Variants in DCLRE1C observed in about 807,000 individuals in gnomAD.
DCLRE1C encodes protein artemis.
In DCLRE1C, 47 loss-of-function variants were observed where a neutral mutation model predicts 61.4. The observed-to-expected ratio is 0.77, with a 90% CI of 0.61 to 0.98. The LOEUF is 0.98. Among genes scored for constraint, DCLRE1C ranks in the 50% least tolerant of loss-of-function variants. The pLI is 0.00. For synonymous variants in DCLRE1C, 337 were observed against 287.6 expected (o/e 1.17, Z -1.74); for missense variants, 858 against 816.0 (o/e 1.05, Z -0.63).
Position 14,953,907 on chromosome 10 carries a change from T to A in DCLRE1C, c.104A>T (p.His35Leu). 2 of 1,613,954 alleles carry A rather than the reference T, an allele frequency of 1.2e-6. No homozygotes were observed. Among genetic ancestry groups the A allele is most frequent in the Non-Finnish European group, 1.7e-6 (2 of 1,179,922 alleles). ...RARAYFLSHC[H>L]KDHMKGLRAP... ...GACGCGCAGCCCTCACTCACCTTTG[T>A]GGCAGTGGGACAGGAAGTAGGCGCG... The change falls in exon 1 of 14, where the codon CAC (histidine) becomes CTC (leucine). Residue 35 changes from histidine to leucine, a missense_variant. This residue lies in a region of DCLRE1C where 843 missense variants were observed against 783.5 expected (regional missense o/e 1.08). Coordinates refer to ENST00000378278, the MANE Select transcript of DCLRE1C (RefSeq NM_001033855.3).
chr10:14,933,780 T>C (rs566272905), intron 8 of DCLRE1C, among the ~76,000 whole-genome samples: 1 of 152,374 alleles, frequency 6.6e-6, no homozygotes, highest in African/African-American at 2.4e-5. Flanking sequence ...ATTTATTTCA[T>C]GACCCAAAGT....
chr10:14,898,989 T>C, exon 14 of DCLRE1C: 1 of 493,154 alleles, frequency 2.0e-6, no homozygotes, highest in East Asian at 3.0e-5. Context: ...ATCCTAATTA[T>C]AATGAAAGTA....
Position 14,954,041 on chromosome 10 carries a change from A to C in DCLRE1C, c.-31T>G. On this transcript the variant is annotated 5_prime_UTR_variant, in exon 1 of 14. Coordinates refer to ENST00000378278, the MANE Select transcript of DCLRE1C (RefSeq NM_001033855.3). ...CGCCGATCCCAGAGTCCGGGACCCC[A>C]AAACCGCAGCTGAAGCCAAGGCCAG... 1 of 1,613,424 alleles carries C rather than the reference A, an allele frequency of 6.2e-7. No homozygotes were observed. Among genetic ancestry groups the C allele is most frequent in the Non-Finnish European group, 8.5e-7 (1 of 1,179,832 alleles).
intron 12 of DCLRE1C, among the ~76,000 whole-genome samples, chr10:14,920,200 C>CAG (rs1836867673): frequency 6.6e-6 from 1 of 152,314 alleles, no homozygotes; most frequent in African/African-American, 2.4e-5. Flanking sequence ...GTGACATCCT[C>CAG]TGGCATTCGG....
At chr10:14,927,075 T>C (rs1838129975) in intron 10 of DCLRE1C, among the ~76,000 whole-genome samples, 178 bp from the exon 11 acceptor site, 1 of 152,198 alleles carries the variant, frequency 6.6e-6, no homozygotes, top group African/African-American at 2.4e-5. Context: ...CAGGGAACCT[T>C]TTCCAGAAGT....
intron 13 of DCLRE1C, among the ~76,000 whole-genome samples, chr10:14,917,201 C>T (rs914257428): frequency 1.3e-5 from 2 of 152,102 alleles, no homozygotes; most frequent in Non-Finnish European, 2.9e-5. Flanking sequence ...CATACAGACA[C>T]ACACACAAAA....
chr10:14,954,113 T>C (rs1045601641), upstream of DCLRE1C: 5 of 1,579,804 alleles, frequency 3.2e-6, no homozygotes, highest in Middle Eastern at 1.7e-4. Context: ...TGCCTCGCCA[T>C]TGGGCGGCCG....
chr10:14,938,266 G>T (rs1224742642), intron 4 of DCLRE1C, among the ~76,000 whole-genome samples: 2 of 152,190 alleles, frequency 1.3e-5, no homozygotes, highest in African/African-American at 4.8e-5. Context: ...CCCTGATTGT[G>T]ACAAGGCCAC....
chr10:14,934,529 G>C lies in DCLRE1C; in HGVS notation c.538-9C>G, dbSNP rs1348252432. ...CCACTTAAACACTCCTCCTAGACAG[G>C]ATTTTAAAGAGACATTTAACAGGTG... is the stretch of plus-strand genomic sequence containing the variant. On this transcript the variant is annotated splice_polypyrimidine_tract_variant and intron_variant, in intron 7 of 13. Coordinates refer to ENST00000378278, the MANE Select transcript of DCLRE1C (RefSeq NM_001033855.3). 1.9e-6 allele frequency: 3 copies of C among 1,614,052 alleles called. No homozygotes were observed. Among genetic ancestry groups the C allele is most frequent in the Non-Finnish European group, 2.5e-6 (3 of 1,180,028 alleles).
chr10:14,900,347 C>T (rs1219918746), downstream of DCLRE1C, among the ~76,000 whole-genome samples: 1 of 152,096 alleles, frequency 6.6e-6, no homozygotes, highest in East Asian at 1.9e-4. Flanking sequence ...GTGACATTAT[C>T]TGCATTTTGT....
chr10:14,938,091 C>A (rs1363534238), intron 4 of DCLRE1C, among the ~76,000 whole-genome samples: 1 of 152,108 alleles, frequency 6.6e-6, no homozygotes, highest in Non-Finnish European at 1.5e-5. Flanking sequence ...TCCATTCATT[C>A]TGGAGGACCC....
intron 2 of DCLRE1C, among the ~76,000 whole-genome samples, chr10:14,947,370 A>G (rs988983519): frequency 2.0e-5 from 3 of 152,160 alleles, no homozygotes; most frequent in African/African-American, 7.2e-5. Flanking sequence ...GATGTTTGAT[A>G]CCTGGGCTGG....
rs372640340 is a variant in DCLRE1C at position 14,940,753 on chromosome 10, G to C, written c.247-884C>G. ...ATGTCCTAAAACTTACAGTGTCTAAGGTTTGGGTGTTAAAGTATTTTTGCA... is the reference window on the plus strand; with the variant it reads ...ATGTCCTAAAACTTACAGTGTCTAACGTTTGGGTGTTAAAGTATTTTTGCA... On this transcript the variant is annotated intron_variant, in intron 3 of 13. Coordinates refer to ENST00000378278, the MANE Select transcript of DCLRE1C (RefSeq NM_001033855.3). Among the ~76,000 whole-genome samples, 21 of 152,302 alleles carry C rather than the reference G, an allele frequency of 1.4e-4. No homozygotes were observed. In the East Asian group the frequency reaches 3.9e-3, roughly 28 times the overall value.
Position 14,952,235 on chromosome 10 carries a change from A to G in DCLRE1C, c.109+1667T>C, listed in dbSNP as rs574905369. ...AGTTCAGAGACTCCAGTGCGGCTCTACACAAAAAGTAAAAATAGGCATATC... is the reference window on the plus strand; with the variant it reads ...AGTTCAGAGACTCCAGTGCGGCTCTGCACAAAAAGTAAAAATAGGCATATC... On this transcript the variant is annotated intron_variant, in intron 1 of 13. Coordinates refer to ENST00000378278, the MANE Select transcript of DCLRE1C (RefSeq NM_001033855.3). Among the ~76,000 whole-genome samples the G allele has an allele frequency of 7.2e-5, 11 of 152,318 alleles. No individual in the cohort carries two copies. In the South Asian group the frequency reaches 2.3e-3, roughly 32 times the overall value.
At chr10:14,922,925 T>C in intron 12 of DCLRE1C, 56 bp downstream of exon 12, 2 of 1,237,752 alleles carry the variant, frequency 1.6e-6, no homozygotes, top group South Asian at 2.4e-5. Context: ...CTCCTTTGTG[T>C]CCTAGCCAAG....
In DCLRE1C at chr10:14,909,153, C is replaced by T. The variant is rs376186052; in HGVS notation, c.1334G>A (p.Arg445His). ...TTCACAATCTACAAAGTTTGTGAAA[C>T]GAGAGCTCTGCATACACTCTGCTCT... ...CCRAECMQSS[R>H]FTNFVDCEES... is the part of the protein sequence containing the mutation. Residue 445 changes from arginine (R) to histidine (H), a missense_variant, in exon 14 of 14, where the codon CGT becomes CAT. Transcript: ENST00000378278. 6.3e-5 allele frequency: 101 copies of T among 1,614,144 alleles called. No individual in the cohort carries two copies. The East Asian group carries it at 1.3e-3, about 21-fold the overall frequency.
Position 14,905,132 on chromosome 10 carries a change from C to G in DCLRE1C, c.*3276G>C, listed in dbSNP as rs1834286037. ...AAAATACTGATGTATTGACTACGTG[C>G]TAGCAAGATTAACCGAAGGTTTATA... On this transcript the variant is annotated 3_prime_UTR_variant, in exon 14 of 14. Coordinates refer to ENST00000378278, the MANE Select transcript of DCLRE1C (RefSeq NM_001033855.3). Among the ~76,000 whole-genome samples the G allele has an allele frequency of 1.3e-5, 2 of 152,226 alleles. No individual in the cohort carries two copies. The highest frequency in any genetic ancestry group is 4.1e-4 in the South Asian group (2 of 4,830).
intron 2 of DCLRE1C, among the ~76,000 whole-genome samples, chr10:14,948,830 A>C (rs1268351229): frequency 6.6e-6 from 1 of 151,802 alleles, no homozygotes; most frequent in African/African-American, 2.4e-5. Flanking sequence ...ATGATGACAA[A>C]AGTCAGAATA....
At chr10:14,928,803 T>TA (rs1838474191) in intron 9 of DCLRE1C, among the ~76,000 whole-genome samples, 1 of 139,604 alleles carries the variant, frequency 7.2e-6, no homozygotes, top group African/African-American at 2.7e-5. Context: ...TTTTTTTTTT[T>TA]AGACAGTCTC....
Sources: allele counts gnomAD v4.1 joint callset (sites outside exome capture counted in the v4.1 genomes callset), GRCh38; gene constraint gnomAD v4.1.1; regional missense constraint gnomAD v4.1.1; transcripts MANE v1.5; gene names NCBI Gene and HGNC (gene_info 2026-07-23, HGNC 2026-07-21).